Variants in TGFA observed in about 807,000 individuals in gnomAD.
The protein encoded by TGFA is protransforming growth factor alpha.
Under a neutral mutation model 21.7 loss-of-function variants are expected in TGFA, and 12 were observed. The ratio of observed to expected loss-of-function variants is 0.55; its 90% confidence interval spans 0.35 to 0.90. The LOEUF (loss-of-function observed/expected upper bound fraction) is 0.90. TGFA is among the 40% of genes least tolerant of loss of function. The pLI is 0.01. For synonymous variants in TGFA, 79 were observed against 88.1 expected, an observed-to-expected ratio of 0.90 and a Z score of 0.58; for missense variants, 178 against 210.8, an observed-to-expected ratio of 0.84 and a Z score of 0.96.
At chr2:70,517,162 T>C (rs1270914635) in intron 1 of TGFA, among the ~76,000 whole-genome samples, 1 of 152,208 alleles carries the variant, frequency 6.6e-6, no homozygotes, top group East Asian at 1.9e-4. Context: ...CAGAGGTGTT[T>C]TGGGAATGAA....
chr2:70,497,745 G>A (rs1553498546), intron 2 of TGFA, among the ~76,000 whole-genome samples: 1 of 152,172 alleles, frequency 6.6e-6, no homozygotes, highest in African/African-American at 2.4e-5. Context: ...CAAGAACCTT[G>A]GCCATGTCAG....
chr2:70,550,902 C>T (rs1179983881), intron 1 of TGFA, among the ~76,000 whole-genome samples: 1 of 152,208 alleles, frequency 6.6e-6, no homozygotes, highest in African/African-American at 2.4e-5. Context: ...TTGGCCAAAT[C>T]ATATTCACCA....
At chr2:70,451,836 C>A in intron 5 of TGFA, 1 of 672,264 alleles carries the variant, frequency 1.5e-6, no homozygotes, top group Middle Eastern at 2.4e-4. Context: ...CCCAGTGGGA[C>A]CCAAGCAGGC....
chr2:70,528,911 C>T (rs1672723228), intron 1 of TGFA, among the ~76,000 whole-genome samples: 1 of 152,184 alleles, frequency 6.6e-6, no homozygotes, highest in South Asian at 2.1e-4. Flanking sequence ...GCCTCCTCTC[C>T]CTGTTCCTTC....
In TGFA at chr2:70,521,609, G is replaced by GTTTTTTTTTTTTTTTTTTTTTTTTT. The variant is rs797022948; in HGVS notation, c.41-6698_41-6697insAAAAAAAAAAAAAAAAAAAAAAAAA. On this transcript the variant is annotated intron_variant, in intron 1 of 5. Coordinates refer to ENST00000295400, the MANE Select transcript of TGFA (RefSeq NM_003236.4). Reference sequence around the variant, plus strand: ...ACTATTGATAGTTTTTTTTGTTGTTGTTTGTTTGTTTTTTTTTTTTTTTTT... The same window carrying GTTTTTTTTTTTTTTTTTTTTTTTTT: ...ACTATTGATAGTTTTTTTTGTTGTTGTTTTTTTTTTTTTTTTTTTTTTTTTTTTGTTTGTTTTTTTTTTTTTTTTT... 2.2e-4 allele frequency among the ~76,000 whole-genome samples: 17 copies of GTTTTTTTTTTTTTTTTTTTTTTTTT among 78,864 alleles called. 1 individual carries two copies. Among genetic ancestry groups the GTTTTTTTTTTTTTTTTTTTTTTTTT allele is most frequent in the South Asian group, 4.8e-4 (1 of 2,078 alleles). 51.7% of individuals were successfully genotyped at this position (78,864 alleles called of 152,430 possible).
rs1553507047 is a variant in TGFA at position 70,553,007 on chromosome 2, G to C, written c.40+721C>G. 2.6e-5 allele frequency among the ~76,000 whole-genome samples: 4 copies of C among 152,338 alleles called. No individual in the cohort carries two copies. The South Asian group carries it at 8.3e-4, about 32-fold the overall frequency. The stretch of plus-strand genomic sequence containing the variant: ...CGCTCCGCAGACCCGACCCGGGAGA[G>C]GGGTTTAACTTCCCCTCACCTTTCC... On this transcript the variant is annotated intron_variant, in intron 1 of 5. Coordinates refer to ENST00000295400, the MANE Select transcript of TGFA (RefSeq NM_003236.4).
At chr2:70,470,051 AGG>A (rs150414653) in intron 2 of TGFA, among the ~76,000 whole-genome samples, 4,090 of 152,232 alleles carry the variant, frequency 0.027, 66 homozygotes, top group Non-Finnish European at 0.04. Flanking sequence ...AACAGCGAGA[AGG>A]AGAGAGACGG....
intron 1 of TGFA, among the ~76,000 whole-genome samples, chr2:70,527,215 G>C (rs1672663417): frequency 2.0e-5 from 3 of 152,166 alleles, no homozygotes. Context: ...TCTTCAGTAG[G>C]TAAATGGATA....
intron 2 of TGFA, among the ~76,000 whole-genome samples, chr2:70,487,941 G>A (rs1024681893): frequency 1.3e-5 from 2 of 152,190 alleles, no homozygotes; most frequent in African/African-American, 4.8e-5. Context: ...CCCTGAGGAG[G>A]AGATGAGTGT....
chr2:70,540,932 A>T (rs1379892130), intron 1 of TGFA, among the ~76,000 whole-genome samples: 1 of 152,254 alleles, frequency 6.6e-6, no homozygotes, highest in Admixed American at 6.5e-5. Context: ...AGAAATACAA[A>T]TTAAAATGAG....
intron 1 of TGFA, among the ~76,000 whole-genome samples, chr2:70,524,649 C>T (rs998091011): frequency 6.6e-6 from 1 of 152,210 alleles, no homozygotes; most frequent in African/African-American, 2.4e-5. Context: ...GACACGAGGC[C>T]TTGAGGTGTC....
intron 2 of TGFA, among the ~76,000 whole-genome samples, chr2:70,497,939 G>A (rs1159894831): frequency 6.6e-6 from 1 of 152,228 alleles, no homozygotes; most frequent in Non-Finnish European, 1.5e-5. Flanking sequence ...TTAGATACAA[G>A]AGGAAAAATA....
intron 2 of TGFA, among the ~76,000 whole-genome samples, chr2:70,473,669 T>C (rs1242058186): frequency 5.3e-5 from 6 of 112,406 alleles, no homozygotes; most frequent in African/African-American, 2.2e-4. Flanking sequence ...GAATTCAATT[T>C]TGCTGTCTTA....
chr2:70,534,840 T>C (rs1305477262), intron 1 of TGFA, among the ~76,000 whole-genome samples: 1 of 152,178 alleles, frequency 6.6e-6, no homozygotes, highest in East Asian at 1.9e-4. Context: ...CCCAAGTCTG[T>C]TACACGATGG....
intron 1 of TGFA, among the ~76,000 whole-genome samples, chr2:70,544,077 G>T (rs1323445903): frequency 6.6e-6 from 1 of 151,888 alleles, no homozygotes; most frequent in African/African-American, 2.4e-5. Context: ...AACAAAAAAT[G>T]CCAACTCTTT....
chr2:70,452,154 A>G (rs1181491521), intron 5 of TGFA, among the ~76,000 whole-genome samples: 1 of 152,140 alleles, frequency 6.6e-6, no homozygotes, highest in Non-Finnish European at 1.5e-5. Context: ...CTGAACGCCA[A>G]CTGTTTACTA....
At position 70,450,840 on chromosome 2, in the gene TGFA, A is replaced by G. The variant is rs1226915092; in HGVS notation, c.*19T>C. ...TGATCTGCCACAGTCCACCTGGCCAAACTCCTCCTCTGGGCTCTTCAGACC... is the reference window on the plus strand; with the variant it reads ...TGATCTGCCACAGTCCACCTGGCCAGACTCCTCCTCTGGGCTCTTCAGACC... On this transcript the variant is annotated 3_prime_UTR_variant, in exon 6 of 6. Coordinates refer to ENST00000295400, the MANE Select transcript of TGFA (RefSeq NM_003236.4). 1 of 1,609,362 alleles carries G rather than the reference A, an allele frequency of 6.2e-7. No homozygotes were observed. Among genetic ancestry groups the G allele is most frequent in the Non-Finnish European group, 8.5e-7 (1 of 1,177,636 alleles).
At chr2:70,487,963 C>T (rs970389490) in intron 2 of TGFA, among the ~76,000 whole-genome samples, 1 of 152,124 alleles carries the variant, frequency 6.6e-6, no homozygotes, top group African/African-American at 2.4e-5. Context: ...TCTTCATAAC[C>T]GTTCCAATGC....
intron 3 of TGFA, among the ~76,000 whole-genome samples, 165 bp from the exon 4 acceptor site, chr2:70,456,653 T>G (rs1217157320): frequency 6.6e-6 from 1 of 152,234 alleles, no homozygotes; most frequent in Non-Finnish European, 1.5e-5. Flanking sequence ...AATGCCTGTT[T>G]CCCTGTCGCA....
Sources: allele counts gnomAD v4.1 joint callset (sites outside exome capture counted in the v4.1 genomes callset), GRCh38; gene constraint gnomAD v4.1.1; transcripts MANE v1.5; gene names NCBI Gene and HGNC (gene_info 2026-07-23, HGNC 2026-07-21).